FBXL18: variants seen among roughly 807,000 people sequenced by gnomAD.
FBXL18 encodes F-box and leucine rich repeat protein 18, also known as F-box/LRR-repeat protein 18.
A neutral mutation model predicts 46.0 loss-of-function variants in FBXL18; 36 were observed. That is an observed-to-expected ratio of 0.78 (90% CI 0.60 to 1.03). FBXL18 has a LOEUF of 1.03. FBXL18 is among the 50% of genes least tolerant of loss of function. The pLI is 0.00. For synonymous variants in FBXL18, 557 were observed against 465.3 expected (o/e 1.20, Z -2.54); for missense variants, 977 against 1,004.1 (o/e 0.97, Z 0.36).
intron 3 of FBXL18, among the ~76,000 whole-genome samples, chr7:5,491,915 C>A (rs75624481): frequency 6.6e-6 from 1 of 151,706 alleles, no homozygotes; most frequent in African/African-American, 2.4e-5. Context: ...GGCGGTAATC[C>A]GGGAGGCTGG....
chr7:5,495,478 T>A (rs1052266167), intron 3 of FBXL18, among the ~76,000 whole-genome samples: 2 of 152,106 alleles, frequency 1.3e-5, no homozygotes, highest in African/African-American at 4.8e-5. Context: ...TCTGCCCAAT[T>A]TGTAATCCCC....
At chr7:5,497,719 C>T (rs1449718562) in intron 3 of FBXL18, among the ~76,000 whole-genome samples, 5 of 152,182 alleles carry the variant, frequency 3.3e-5, no homozygotes, top group African/African-American at 9.6e-5. Flanking sequence ...GGTCAAGCAC[C>T]GGTGTTTGCG....
intron 1 of FBXL18, among the ~76,000 whole-genome samples, chr7:5,512,315 A>G (rs1784561325): frequency 6.8e-6 from 1 of 146,810 alleles, no homozygotes. Context: ...AAAAAAAAAA[A>G]AAAAAAAAGC....
In FBXL18 at chr7:5,479,667, G is replaced by C. The variant is rs1783594639; in HGVS notation, c.*2108C>G. On this transcript the variant is annotated 3_prime_UTR_variant, in exon 5 of 5. Transcript: ENST00000382368. ...CCTGCAGACTAGGAGACGGGGCCTA[G>C]GGGTGTGGCTCTCACAGGCCATGAC... 2 of 152,552 alleles carry C rather than the reference G, an allele frequency of 1.3e-5. No homozygotes were observed. The highest frequency in any genetic ancestry group is 4.8e-5 in the African/African-American group (2 of 41,466). The allele number at this position is 152,552 out of a possible 1,614,324, so 9.4% of individuals were successfully genotyped here. A position where few individuals can be genotyped will look rare whatever the true frequency, so the allele number is the denominator to read the frequency against.
intron 4 of FBXL18, among the ~76,000 whole-genome samples, chr7:5,484,677 C>T (rs1488386162): frequency 2.8e-5 from 4 of 144,690 alleles, no homozygotes; most frequent in African/African-American, 5.2e-5. Flanking sequence ...CTTACTCTGT[C>T]GCCCCGGCTG....
chr7:5,481,322 T>C lies in FBXL18; in HGVS notation c.*453A>G. On this transcript the variant is annotated 3_prime_UTR_variant, in exon 5 of 5. Transcript: ENST00000382368. ...ATACACGGTGACCAGCCCGGCCGACTGGACTTCAGGGGGACAGCATGTGGC... is the reference window on the plus strand; with the variant it reads ...ATACACGGTGACCAGCCCGGCCGACCGGACTTCAGGGGGACAGCATGTGGC... 1 of 173,558 alleles carries C rather than the reference T, an allele frequency of 5.8e-6. No homozygotes were observed. Among genetic ancestry groups the C allele is most frequent in the South Asian group, 1.1e-4 (1 of 9,102 alleles). The allele number at this position is 173,558 out of a possible 1,614,324, so 10.8% of individuals were successfully genotyped here.
intron 1 of FBXL18, among the ~76,000 whole-genome samples, chr7:5,511,967 G>A (rs1784546207): frequency 6.6e-6 from 1 of 151,846 alleles, no homozygotes; most frequent in African/African-American, 2.4e-5. Flanking sequence ...CGGGCACAGT[G>A]GCTCACGCCT....
chr7:5,497,340 T>G (rs1428593118), intron 3 of FBXL18, among the ~76,000 whole-genome samples: 1 of 152,094 alleles, frequency 6.6e-6, no homozygotes. Flanking sequence ...GGTCAGAGCA[T>G]GAATAACCAC....
chr7:5,513,708 C>T lies in FBXL18; in HGVS notation c.-34G>A, dbSNP rs780631850. 8 of 1,593,982 alleles carry T rather than the reference C, an allele frequency of 5.0e-6. No homozygotes were observed. Among genetic ancestry groups the T allele is most frequent in the Non-Finnish European group, 6.8e-6 (8 of 1,170,736 alleles). ...CGGGTCCGAACCGCGGCCGCGGGATCCGCAACCCCGTGCCTCCCACCTGCC... is the reference window on the plus strand; with the variant it reads ...CGGGTCCGAACCGCGGCCGCGGGATTCGCAACCCCGTGCCTCCCACCTGCC... On this transcript the variant is annotated 5_prime_UTR_variant, in exon 1 of 5. Coordinates refer to ENST00000382368, the MANE Select transcript of FBXL18 (RefSeq NM_024963.6).
intron 4 of FBXL18, among the ~76,000 whole-genome samples, chr7:5,464,326 A>G (rs1783310234): frequency 6.6e-6 from 1 of 152,026 alleles, no homozygotes; most frequent in Admixed American, 6.6e-5. Context: ...TAAAAATACA[A>G]AAATTAGCCA....
chr7:5,489,525 C>T (rs991037874), intron 4 of FBXL18: 2 of 325,660 alleles, frequency 6.1e-6, no homozygotes, highest in Non-Finnish European at 1.2e-5. Flanking sequence ...AATCCCAGCA[C>T]TTTGGGAGGC....
At chr7:5,488,027 G>A (rs1015807014) in intron 4 of FBXL18, among the ~76,000 whole-genome samples, 1 of 152,248 alleles carries the variant, frequency 6.6e-6, no homozygotes, top group Non-Finnish European at 1.5e-5. Flanking sequence ...GGCCACCTGC[G>A]AGCTCAGCGC....
chr7:5,470,883 C>T (rs988378862), downstream of FBXL18, among the ~76,000 whole-genome samples: 2 of 152,174 alleles, frequency 1.3e-5, no homozygotes, highest in South Asian at 2.1e-4. Flanking sequence ...AAAGGCTGGC[C>T]GGGTTCCCAG....
intron 4 of FBXL18, among the ~76,000 whole-genome samples, chr7:5,464,989 G>A (rs1413773626): frequency 6.6e-6 from 1 of 152,064 alleles, no homozygotes; most frequent in Admixed American, 6.6e-5. Flanking sequence ...CTTGAACCCA[G>A]GAGATGGAGG....
chr7:5,472,629 G>A (rs1180868152), downstream of FBXL18, among the ~76,000 whole-genome samples: 2 of 152,136 alleles, frequency 1.3e-5, no homozygotes, highest in Non-Finnish European at 2.9e-5. Flanking sequence ...ACATGGAGGT[G>A]TTCTGGCCAC....
At position 5,463,696 on chromosome 7, in the gene FBXL18, A is replaced by G. The variant is rs1306180055; in HGVS notation, c.2001-15853T>C. Among the ~76,000 whole-genome samples the G allele has an allele frequency of 5.1e-5, 3 of 59,190 alleles. No homozygotes were observed. In the Admixed American group the frequency reaches 5.6e-4, roughly 11 times the overall value. 38.8% of individuals were successfully genotyped at this position (59,190 alleles called of 152,430 possible). A position where few individuals can be genotyped will look rare whatever the true frequency, so the allele number is the denominator to read the frequency against. ...TAAATGTGCTTCATGCCCCTGAACT[A>G]TATATATATTTATTTATTTATTTAT... On this transcript the variant is annotated intron_variant and NMD_transcript_variant, in intron 4 of 6. Transcript: ENST00000415009.
chr7:5,497,982 A>G (rs1429650759), intron 3 of FBXL18, among the ~76,000 whole-genome samples: 1 of 151,866 alleles, frequency 6.6e-6, no homozygotes, highest in Admixed American at 6.6e-5. Flanking sequence ...CACTCATCTA[A>G]GCCCTGCCTC....
Position 5,459,672 on chromosome 7 carries a change from A to G in FBXL18, c.2001-11829T>C, listed in dbSNP as rs1228022957. 4.0e-5 allele frequency among the ~76,000 whole-genome samples: 6 copies of G among 151,582 alleles called. No homozygotes were observed. The East Asian group carries it at 5.8e-4, about 15-fold the overall frequency. On this transcript the variant is annotated intron_variant and NMD_transcript_variant, in intron 4 of 6. Coordinates refer to the FBXL18 transcript ENST00000415009. ...GGAGAATGGCGTGAACCTGGGAGGC[A>G]GAGCTTGCAGTGAGCAGAGATTGTG...
At chr7:5,513,270 CAG>C (rs1646253115) in intron 1 of FBXL18, among the ~76,000 whole-genome samples, 1 of 151,946 alleles carries the variant, frequency 6.6e-6, no homozygotes, top group Non-Finnish European at 1.5e-5. Flanking sequence ...ACTGAGCATC[CAG>C]AGATAGAAGA....
Sources: allele counts gnomAD v4.1 joint callset (sites outside exome capture counted in the v4.1 genomes callset), GRCh38; gene constraint gnomAD v4.1.1; transcripts MANE v1.5; gene names NCBI Gene and HGNC (gene_info 2026-07-23, HGNC 2026-07-21).